The following STK24 variants were observed in gnomAD, a reference collection of about 807,000 sequenced individuals.
STK24 encodes the protein serine/threonine kinase 24.
A neutral mutation model predicts 55.6 loss-of-function variants in STK24; 21 were observed. The observed-to-expected ratio is 0.38, with a 90% CI of 0.27 to 0.54. The LOEUF (loss-of-function observed/expected upper bound fraction) is 0.54. STK24 is among the 20% of genes least tolerant of loss of function. The probability of loss-of-function intolerance (pLI) is 0.79; values close to 1 mark genes in which losing one functional copy is unlikely to be tolerated. For missense variants in STK24, 383 were observed against 538.4 expected (o/e 0.71, Z 2.86); for synonymous variants, 200 against 215.2 (o/e 0.93, Z 0.62).
intron 2 of STK24, 38 bp downstream of exon 2, chr13:98,519,205 T>G (rs766494648): frequency 2.6e-6 from 4 of 1,556,618 alleles, no homozygotes; most frequent in Non-Finnish European, 3.5e-6. Context: ...CTCAGCCAAG[T>G]GCTGCAGAAC....
At chr13:98,571,810 T>TA (rs756827631) in intron 1 of STK24, among the ~76,000 whole-genome samples, 7 of 152,210 alleles carry the variant, frequency 4.6e-5, no homozygotes, top group South Asian at 2.1e-4. Flanking sequence ...GAGTGAATGC[T>TA]AAAAAAATCC....
At chr13:98,542,983 A>G in intron 1 of STK24, 3 of 985,380 alleles carry the variant, frequency 3.0e-6, no homozygotes, top group Non-Finnish European at 3.6e-6. Context: ...CACTTCCTGT[A>G]GCAGAAAACA....
At chr13:98,525,763 T>G (rs1194790240) in intron 1 of STK24, among the ~76,000 whole-genome samples, 1 of 152,146 alleles carries the variant, frequency 6.6e-6, no homozygotes, top group Non-Finnish European at 1.5e-5. Context: ...GGTTCAGGGA[T>G]AAAAAGACAA....
At chr13:98,563,816 C>G (rs1437931083) in intron 1 of STK24, among the ~76,000 whole-genome samples, 2 of 151,100 alleles carry the variant, frequency 1.3e-5, no homozygotes, top group South Asian at 2.1e-4. Context: ...GCTGAGATCG[C>G]GCCACTGCAC....
rs1390689434 is a variant in STK24 at position 98,446,252 on chromosome 13, C to A, written c.*6921G>T. 1 of 1,304,700 alleles carries A rather than the reference C, an allele frequency of 7.7e-7. No homozygotes were observed. Among genetic ancestry groups the A allele is most frequent in the Non-Finnish European group, 1.1e-6 (1 of 904,700 alleles). The allele number at this position is 1,304,700 out of a possible 1,614,324, so 80.8% of individuals were successfully genotyped here. On this transcript the variant is annotated 3_prime_UTR_variant, in exon 11 of 11. Transcript: ENST00000539966. The stretch of plus-strand genomic sequence containing the variant: ...GGTGGCCCTGGGACCTTGGGGGTGG[C>A]AGCATGAGGTGAGGGGGCCGCCCTC...
At chr13:98,476,652 G>C (rs1208654549) in intron 3 of STK24, among the ~76,000 whole-genome samples, 2 of 152,208 alleles carry the variant, frequency 1.3e-5, no homozygotes, top group Non-Finnish European at 2.9e-5. Context: ...TCCACATCCG[G>C]AAGTACTTGT....
intron 2 of STK24, among the ~76,000 whole-genome samples, chr13:98,485,814 C>CG (rs1249636251): frequency 6.6e-6 from 1 of 152,226 alleles, no homozygotes; most frequent in Non-Finnish European, 1.5e-5. Flanking sequence ...AAGGTCGGCC[C>CG]GGGGGACCGG....
intron 9 of STK24, 104 bp downstream of exon 9, chr13:98,460,268 G>T: frequency 9.1e-7 from 1 of 1,102,796 alleles, no homozygotes; most frequent in Non-Finnish European, 1.4e-6. Context: ...TTGCCAGCTT[G>T]TCTTAATGTC....
Position 98,449,010 on chromosome 13 carries a change from C to T in STK24, c.*4163G>A, listed in dbSNP as rs1566332846. 1 of 152,050 alleles carries T rather than the reference C, an allele frequency of 6.6e-6. No individual in the cohort carries two copies. The highest frequency in any genetic ancestry group is 2.4e-5 in the African/African-American group (1 of 41,254). The allele number at this position is 152,050 out of a possible 1,614,324, so 9.4% of individuals were successfully genotyped here. A position where few individuals can be genotyped will look rare whatever the true frequency, so the allele number is the denominator to read the frequency against. On this transcript the variant is annotated 3_prime_UTR_variant, in exon 11 of 11. Transcript: ENST00000539966. ...TTTCCAACCGTAGCAGGGTTGTTTT[C>T]TGTTAAGCAAAGCCGAGATCCAGTG...
chr13:98,482,354 C>A, intron 2 of STK24, 33 bp from the exon 3 acceptor site: 7 of 1,358,404 alleles, frequency 5.2e-6, no homozygotes, highest in Admixed American at 2.2e-5. Flanking sequence ...GAATCATTTT[C>A]AAAATGAATC....
intron 1 of STK24, among the ~76,000 whole-genome samples, chr13:98,535,902 T>G (rs1166905263): frequency 6.6e-6 from 1 of 152,208 alleles, no homozygotes; most frequent in Non-Finnish European, 1.5e-5. Context: ...TCCCTACAGG[T>G]GAACTCACCT....
chr13:98,489,835 C>T (rs1894951523), intron 2 of STK24, among the ~76,000 whole-genome samples: 1 of 152,156 alleles, frequency 6.6e-6, no homozygotes, highest in African/African-American at 2.4e-5. Flanking sequence ...AATGGGAAGT[C>T]AGCGAAACTT....
intron 3 of STK24, 115 bp from the exon 4 acceptor site, chr13:98,475,473 T>A: frequency 1.4e-6 from 1 of 693,390 alleles, no homozygotes; most frequent in Non-Finnish European, 2.3e-6. Flanking sequence ...ACCTGAAATC[T>A]TCTTCACTTA....
At chr13:98,529,718 C>T (rs935851703) in intron 1 of STK24, among the ~76,000 whole-genome samples, 2 of 152,056 alleles carry the variant, frequency 1.3e-5, no homozygotes, top group Non-Finnish European at 2.9e-5. Context: ...GGTCCAGAGG[C>T]CCCTGTAGGT....
At chr13:98,526,825 A>T (rs1011389853) in intron 1 of STK24, among the ~76,000 whole-genome samples, 1 of 152,166 alleles carries the variant, frequency 6.6e-6, no homozygotes, top group Non-Finnish European at 1.5e-5. Flanking sequence ...GAATTTGCTC[A>T]TCAGCTTCAT....
intron 6 of STK24, among the ~76,000 whole-genome samples, chr13:98,465,474 A>G (rs1245613805): frequency 1.3e-5 from 2 of 152,250 alleles, no homozygotes; most frequent in Admixed American, 6.5e-5. Context: ...AAGAAACATC[A>G]TCGTGTAATA....
At position 98,452,908 on chromosome 13, in the gene STK24, T is replaced by G; in HGVS notation, c.*265A>C. The stretch of plus-strand genomic sequence containing the variant: ...AGACACTTTCCTGGAATATGTGCAC[T>G]ATGGTTAAAATTAAAAACAAAAGTA... On this transcript the variant is annotated 3_prime_UTR_variant, in exon 11 of 11. Transcript: ENST00000539966. 2 of 391,484 alleles carry G rather than the reference T, an allele frequency of 5.1e-6. No homozygotes were observed. The highest frequency in any genetic ancestry group is 6.1e-5 in the South Asian group (1 of 16,528). 24.3% of individuals were successfully genotyped at this position (391,484 alleles called of 1,614,324 possible). A position where few individuals can be genotyped will look rare whatever the true frequency, so the allele number is the denominator to read the frequency against.
rs1324601127 is a variant in STK24 at position 98,463,845 on chromosome 13, A to T, written c.784-9T>A. On this transcript the variant is annotated splice_polypyrimidine_tract_variant and intron_variant, in intron 6 of 10. Transcript: ENST00000539966. ...TCCTTAGCAGTGGGTCTCTGGAAAA[A>T]CACACCCAACAATTAAAGTATGAGA... 5 of 1,610,166 alleles carry T rather than the reference A, an allele frequency of 3.1e-6. No individual in the cohort carries two copies. Among genetic ancestry groups the T allele is most frequent in the Middle Eastern group, 3.3e-4 (2 of 6,044 alleles).
rs1894543103 is a variant in STK24, at chr13:98,480,540, CTTT to C, written c.330+1722_330+1724del. Among the ~76,000 whole-genome samples, 7 of 152,194 alleles carry C rather than the reference CTTT, an allele frequency of 4.6e-5. No individual in the cohort carries two copies. The South Asian group carries it at 1.0e-3, about 23-fold the overall frequency. On this transcript the variant is annotated intron_variant, in intron 3 of 10. Transcript: ENST00000539966. Reference sequence around the variant, plus strand: ...AATCCCACTACATTGCTGTTTTTCCCTTTTTAATATAATTTTATACCATATTAA... The same window carrying C: ...AATCCCACTACATTGCTGTTTTTCCCTTAATATAATTTTATACCATATTAA...
Sources: allele counts gnomAD v4.1 joint callset (sites outside exome capture counted in the v4.1 genomes callset), GRCh38; gene constraint gnomAD v4.1.1; transcripts MANE v1.5; gene names NCBI Gene and HGNC (gene_info 2026-07-23, HGNC 2026-07-21).